GRID2: variants seen among roughly 807,000 people sequenced by gnomAD.
The protein encoded by GRID2 is glutamate ionotropic receptor delta type subunit 2.
Under a neutral mutation model 114.8 loss-of-function variants are expected in GRID2, and 33 were observed. The observed-to-expected ratio is 0.29, with a 90% CI of 0.22 to 0.38. The LOEUF is 0.38. GRID2 is among the 10% of genes least tolerant of loss of function. The probability of loss-of-function intolerance (pLI) is 1.00; values close to 1 mark genes in which losing one functional copy is unlikely to be tolerated. For synonymous variants in GRID2, 505 were observed against 449.9 expected (o/e 1.12, Z -1.55); for missense variants, 1,184 against 1,257.7 (o/e 0.94, Z 0.89).
chr4:92,836,567 T>C (rs1742476754), intron 2 of GRID2, among the ~76,000 whole-genome samples: 1 of 152,092 alleles, frequency 6.6e-6, no homozygotes. Context: ...ATTTGCATTG[T>C]TATATATTAC....
chr4:93,130,863 C>A (rs568531510), intron 4 of GRID2, among the ~76,000 whole-genome samples: 8 of 152,218 alleles, frequency 5.3e-5, no homozygotes, highest in Admixed American at 4.6e-4. Context: ...GAGTTGTAGA[C>A]ATCTTATAAC....
At chr4:92,627,145 A>ATTG (rs1730561753) in intron 2 of GRID2, among the ~76,000 whole-genome samples, 1 of 152,102 alleles carries the variant, frequency 6.6e-6, no homozygotes, top group South Asian at 2.1e-4. Context: ...GATACAGGTT[A>ATTG]TAAGACATGA....
rs869285420 is a variant in GRID2, at chr4:92,965,450, T to TAAAAAAAAAAAA, written c.245-119517_245-119506dup. 1.5e-3 allele frequency among the ~76,000 whole-genome samples: 132 copies of TAAAAAAAAAAAA among 85,726 alleles called. 2 individuals carry two copies. Among genetic ancestry groups the TAAAAAAAAAAAA allele is most frequent in the Non-Finnish European group, 2.4e-3 (99 of 41,792 alleles). The allele number at this position is 85,726 out of a possible 152,430, so 56.2% of individuals were successfully genotyped here. A position where few individuals can be genotyped will look rare whatever the true frequency, so the allele number is the denominator to read the frequency against. ...AGGGTTGCCATAAACATTCAATTTGTAAAAAAAAAAAAAAAAAAAAAAAAA... is the reference window on the plus strand; with the variant it reads ...AGGGTTGCCATAAACATTCAATTTGTAAAAAAAAAAAAAAAAAAAAAAAAAAAAAAAAAAAAA... On this transcript the variant is annotated intron_variant, in intron 2 of 15. Coordinates refer to ENST00000282020, the MANE Select transcript of GRID2 (RefSeq NM_001510.4).
intron 6 of GRID2, among the ~76,000 whole-genome samples, chr4:93,223,245 G>T (rs1057333330): frequency 2.6e-5 from 4 of 152,052 alleles, no homozygotes; most frequent in Admixed American, 1.3e-4. Context: ...GATAGGGAGT[G>T]AAAATAGCCA....
chr4:93,238,239 A>G (rs1747033561), intron 7 of GRID2, 132 bp from the exon 8 acceptor site: 1 of 551,202 alleles, frequency 1.8e-6, no homozygotes. Flanking sequence ...TTTAAAAAGT[A>G]GTCTGTTAAA....
intron 2 of GRID2, among the ~76,000 whole-genome samples, chr4:92,911,473 G>T (rs974511118): frequency 2.0e-5 from 3 of 151,926 alleles, no homozygotes; most frequent in African/African-American, 7.2e-5. Flanking sequence ...AGGTAGTTAG[G>T]TATAACAGTT....
chr4:93,581,006 T>C (rs1426721110), intron 13 of GRID2, among the ~76,000 whole-genome samples: 1 of 151,992 alleles, frequency 6.6e-6, no homozygotes, highest in Non-Finnish European at 1.5e-5. Flanking sequence ...GCGGGTTTGT[T>C]ATATAGGTAT....
chr4:92,533,653 A>T (rs568110088), intron 1 of GRID2, among the ~76,000 whole-genome samples: 10 of 152,298 alleles, frequency 6.6e-5, no homozygotes, highest in Non-Finnish European at 1.3e-4. Flanking sequence ...CAGAAGGCAC[A>T]TAACACATAT....
At chr4:92,792,745 T>A (rs1162361101) in intron 2 of GRID2, among the ~76,000 whole-genome samples, 1 of 151,866 alleles carries the variant, frequency 6.6e-6, no homozygotes, top group African/African-American at 2.4e-5. Context: ...CACTTCTGCA[T>A]AATGAGGTTG....
chr4:92,529,073 C>A (rs537248428), intron 1 of GRID2, among the ~76,000 whole-genome samples: 1 of 152,094 alleles, frequency 6.6e-6, no homozygotes, highest in Non-Finnish European at 1.5e-5. Context: ...AGAATGAATG[C>A]CAGAAACCAA....
chr4:92,410,459 G>T (rs1731246116), intron 1 of GRID2, among the ~76,000 whole-genome samples: 1 of 152,184 alleles, frequency 6.6e-6, no homozygotes, highest in Non-Finnish European at 1.5e-5. Flanking sequence ...TTTGTATGCA[G>T]TGAATCCTCC....
chr4:93,014,083 T>G (rs1049913409), intron 2 of GRID2, among the ~76,000 whole-genome samples: 4 of 152,006 alleles, frequency 2.6e-5, no homozygotes, highest in Non-Finnish European at 4.4e-5. Flanking sequence ...GGGAATAAAT[T>G]AATTCTGCTC....
chr4:92,854,598 C>G (rs1360790897), intron 2 of GRID2, among the ~76,000 whole-genome samples: 1 of 151,224 alleles, frequency 6.6e-6, no homozygotes, highest in Non-Finnish European at 1.5e-5. Context: ...GGATACTTAG[C>G]CTTAAATTAG....
chr4:93,456,749 A>G (rs1723241949), intron 11 of GRID2, among the ~76,000 whole-genome samples: 1 of 152,278 alleles, frequency 6.6e-6, no homozygotes, highest in Admixed American at 6.5e-5. Context: ...GAGACATTAT[A>G]CTTTTGTGCT....
intron 2 of GRID2, among the ~76,000 whole-genome samples, chr4:92,675,893 C>CA (rs1209091003): frequency 6.6e-6 from 1 of 151,762 alleles, no homozygotes; most frequent in Non-Finnish European, 1.5e-5. Context: ...GAAGCGTCCC[C>CA]AGGTAGAAAG....
intron 8 of GRID2, among the ~76,000 whole-genome samples, chr4:93,281,072 A>T (rs960544503): frequency 6.6e-6 from 1 of 151,920 alleles, no homozygotes; most frequent in Non-Finnish European, 1.5e-5. Context: ...TATATGATAC[A>T]TTATACTATT....
chr4:92,709,053 G>C (rs1218537945), intron 2 of GRID2, among the ~76,000 whole-genome samples: 1 of 152,144 alleles, frequency 6.6e-6, no homozygotes, highest in East Asian at 1.9e-4. Context: ...AAAATAGAAG[G>C]AGCCTGAGTC....
chr4:93,629,630 A>G (rs539376972), intron 14 of GRID2, among the ~76,000 whole-genome samples: 1 of 152,274 alleles, frequency 6.6e-6, no homozygotes, highest in East Asian at 1.9e-4. Context: ...GGGGCCATTG[A>G]TATTACATAT....
chr4:93,430,756 C>A (rs777534808), intron 10 of GRID2, among the ~76,000 whole-genome samples: 2 of 152,170 alleles, frequency 1.3e-5, no homozygotes, highest in African/African-American at 2.4e-5. Flanking sequence ...GATAGAGAAG[C>A]ACTAAGAAAG....
Sources: allele counts gnomAD v4.1 joint callset (sites outside exome capture counted in the v4.1 genomes callset), GRCh38; gene constraint gnomAD v4.1.1; transcripts MANE v1.5; gene names NCBI Gene and HGNC (gene_info 2026-07-23, HGNC 2026-07-21).